The following ANXA6 variants were observed in gnomAD, a reference collection of about 807,000 sequenced individuals.
The protein encoded by ANXA6 is 67 kDa calelectrin.
ANXA6 carries 71 observed loss-of-function variants against 95.4 expected under a neutral mutation model. The observed-to-expected ratio is 0.74, with a 90% CI of 0.61 to 0.91. The LOEUF (loss-of-function observed/expected upper bound fraction) is 0.91. Ranked by LOEUF, ANXA6 falls within the 40% of genes least tolerant of loss-of-function variation. The probability of loss-of-function intolerance (pLI) is 0.00; values close to 1 mark genes in which losing one functional copy is unlikely to be tolerated. For synonymous variants in ANXA6, 289 were observed against 315.9 expected (o/e 0.91, Z 0.90); for missense variants, 830 against 876.4 (o/e 0.95, Z 0.67).
chr5:151,126,433 A>T lies in ANXA6; in HGVS notation c.1025T>A (p.Met342Lys). ...TCGGGCCACTGCACTAAGTTCCCAC[A>T]TCTGATAGGCCACCTGCGCTGCCTC... The part of the protein sequence containing the change: ...FPEAAQVAYQ[M>K]WELSAVARVE... The change falls in exon 14 of 26, where the codon ATG becomes AAG. Residue 342 changes from methionine to lysine, a missense_variant. By Grantham distance (95) the Met-to-Lys change is moderately conservative. Coordinates refer to ENST00000354546, the MANE Select transcript of ANXA6 (RefSeq NM_001155.5). The T allele has an allele frequency of 1.9e-6, 3 of 1,611,396 alleles. No homozygotes were observed. The highest frequency in any genetic ancestry group is 2.5e-6 in the Non-Finnish European group (3 of 1,178,790).
At chr5:151,136,455 C>G in intron 6 of ANXA6, 120 bp from the exon 7 acceptor site, 1 of 864,872 alleles carries the variant, frequency 1.2e-6, no homozygotes, top group East Asian at 2.6e-5. Context: ...CCAGTCTACA[C>G]GTCCATCATG....
chr5:151,141,387 G>A (rs1469361220), intron 2 of ANXA6: 17 of 535,800 alleles, frequency 3.2e-5, no homozygotes, highest in Non-Finnish European at 4.1e-5. Flanking sequence ...AGACAGACAA[G>A]CACATCAATT....
intron 24 of ANXA6, among the ~76,000 whole-genome samples, chr5:151,104,941 G>A (rs1356110236): frequency 1.3e-5 from 2 of 152,232 alleles, no homozygotes; most frequent in Non-Finnish European, 1.5e-5. Flanking sequence ...TTTGCACTGA[G>A]GTTGTTTAAC....
chr5:151,102,796 G>C (rs1055103750), intron 25 of ANXA6, among the ~76,000 whole-genome samples: 2 of 152,148 alleles, frequency 1.3e-5, no homozygotes, highest in Non-Finnish European at 2.9e-5. Flanking sequence ...CAAATCTACA[G>C]AGACACAAAG....
intron 1 of ANXA6, among the ~76,000 whole-genome samples, chr5:151,148,561 C>G (rs369509353): frequency 2.4e-4 from 37 of 152,358 alleles, no homozygotes; most frequent in African/African-American, 8.9e-4. Flanking sequence ...AGGCATTGCT[C>G]TGGGCACTGT....
At chr5:151,106,351 C>T (rs890886681) in intron 23 of ANXA6, among the ~76,000 whole-genome samples, 5 of 152,224 alleles carry the variant, frequency 3.3e-5, no homozygotes, top group South Asian at 2.1e-4. Flanking sequence ...TGAGAACAGA[C>T]GGCAAGAGGC....
intron 10 of ANXA6, among the ~76,000 whole-genome samples, chr5:151,132,024 C>T (rs551997414): frequency 2.6e-5 from 4 of 152,154 alleles, no homozygotes; most frequent in Non-Finnish European, 5.9e-5. Flanking sequence ...GTTCTCAGTA[C>T]CCCCAACTCA....
intron 2 of ANXA6, 139 bp from the exon 3 acceptor site, chr5:151,140,382 C>T (rs1765796485): frequency 1.4e-6 from 1 of 717,998 alleles, no homozygotes; most frequent in Non-Finnish European, 2.4e-6. Flanking sequence ...CACATACACC[C>T]TGGGGAGCGG....
chr5:151,115,090 T>G (rs1764961131), intron 20 of ANXA6, among the ~76,000 whole-genome samples: 1 of 152,248 alleles, frequency 6.6e-6, no homozygotes, highest in Non-Finnish European at 1.5e-5. Flanking sequence ...AATAACATGG[T>G]AGATTCAGAT....
At chr5:151,112,230 T>G (rs1764869905) in intron 20 of ANXA6, among the ~76,000 whole-genome samples, 2 of 152,324 alleles carry the variant, frequency 1.3e-5, no homozygotes, top group Admixed American at 1.3e-4. Flanking sequence ...AAGGAGAGTT[T>G]CCATTTAAAT....
intron 2 of ANXA6, among the ~76,000 whole-genome samples, chr5:151,146,165 A>T (rs1403675859): frequency 6.6e-6 from 1 of 152,190 alleles, no homozygotes; most frequent in East Asian, 1.9e-4. Context: ...GGAGCACTGG[A>T]CCAAGGTCCA....
Position 151,128,247 on chromosome 5 carries a change from G to A in ANXA6, c.919-8C>T. 3.7e-6 allele frequency: 6 copies of A among 1,605,328 alleles called. No homozygotes were observed. The highest frequency in any genetic ancestry group is 5.1e-6 in the Non-Finnish European group (6 of 1,176,466). On this transcript the variant is annotated splice_polypyrimidine_tract_variant and splice_region_variant and intron_variant, in intron 12 of 25. Coordinates refer to ENST00000354546, the MANE Select transcript of ANXA6 (RefSeq NM_001155.5). Reference sequence around the variant, plus strand: ...CTCGCCAGAGGTGTCATTCTGAAGAGAAAGAAAGAAAGGTTACCTCTCACC... The same window carrying A: ...CTCGCCAGAGGTGTCATTCTGAAGAAAAAGAAAGAAAGGTTACCTCTCACC...
chr5:151,119,968 C>T (rs1320681602), intron 17 of ANXA6, among the ~76,000 whole-genome samples: 3 of 152,188 alleles, frequency 2.0e-5, no homozygotes, highest in Non-Finnish European at 4.4e-5. Flanking sequence ...CAACCTCCGC[C>T]TCCCAGACTC....
At chr5:151,118,636 G>A (rs1765075015) in intron 18 of ANXA6, among the ~76,000 whole-genome samples, 1 of 152,120 alleles carries the variant, frequency 6.6e-6, no homozygotes, top group Admixed American at 6.5e-5. Context: ...GTCTCACCAT[G>A]TTAGCCAAGT....
chr5:151,109,674 T>C, intron 22 of ANXA6, 79 bp downstream of exon 22: 3 of 1,212,536 alleles, frequency 2.5e-6, no homozygotes, highest in Non-Finnish European at 3.6e-6. Context: ...GGGCTCCTCT[T>C]GCCACAGAGA....
At chr5:151,138,907 T>A in intron 4 of ANXA6, 116 bp from the exon 5 acceptor site, 1 of 735,900 alleles carries the variant, frequency 1.4e-6, no homozygotes, top group Non-Finnish European at 2.4e-6. Context: ...GTAATCTCAT[T>A]AAATCATCAC....
chr5:151,153,115 C>T (rs540483606), intron 1 of ANXA6, among the ~76,000 whole-genome samples: 1 of 152,176 alleles, frequency 6.6e-6, no homozygotes, highest in Non-Finnish European at 1.5e-5. Context: ...GCTCAGCAGT[C>T]GAGGCCATTG....
At chr5:151,136,390 G>A in intron 6 of ANXA6, 55 bp from the exon 7 acceptor site, 1 of 1,531,882 alleles carries the variant, frequency 6.5e-7, no homozygotes, top group Admixed American at 1.7e-5. Flanking sequence ...AGGGATCTAG[G>A]ATAAAGGGCC....
chr5:151,153,981 G>A (rs1467596855), intron 1 of ANXA6, among the ~76,000 whole-genome samples: 1 of 152,052 alleles, frequency 6.6e-6, no homozygotes, highest in East Asian at 1.9e-4. Flanking sequence ...ATGGTTGGGG[G>A]TAAAATGCAC....
Sources: allele counts gnomAD v4.1 joint callset (sites outside exome capture counted in the v4.1 genomes callset), GRCh38; gene constraint gnomAD v4.1.1; transcripts MANE v1.5; gene names NCBI Gene and HGNC (gene_info 2026-07-23, HGNC 2026-07-21).